STAU2: variants seen among roughly 807,000 people sequenced by gnomAD.
STAU2 encodes double-stranded RNA-binding protein Staufen homolog 2.
A neutral mutation model predicts 65.9 loss-of-function variants in STAU2; 20 were observed. The ratio of observed to expected loss-of-function variants is 0.30; its 90% CI spans 0.21 to 0.44. STAU2 has a LOEUF of 0.44. Ranked by LOEUF, STAU2 falls within the 20% of genes least tolerant of loss-of-function variation. The pLI, the probability that STAU2 is intolerant of heterozygous loss-of-function variation, is 1.00. For missense variants in STAU2, 558 were observed against 683.9 expected (o/e 0.82, Z 2.05); for synonymous variants, 232 against 233.9 (o/e 0.99, Z 0.07).
At chr8:73,443,815 T>C (rs1818325234) in intron 13 of STAU2, among the ~76,000 whole-genome samples, 1 of 151,362 alleles carries the variant, frequency 6.6e-6, no homozygotes, top group African/African-American at 2.4e-5. Flanking sequence ...TCCACTGTAC[T>C]CCAGCCTAGG....
intron 3 of STAU2, among the ~76,000 whole-genome samples, chr8:73,720,676 C>A (rs1351093313): frequency 8.7e-6 from 1 of 115,172 alleles, no homozygotes; most frequent in Admixed American, 8.5e-5. Context: ...CCGCGCCCGG[C>A]TAATTTTTTG....
intron 13 of STAU2, among the ~76,000 whole-genome samples, chr8:73,502,971 G>A (rs1026117805): frequency 2.0e-5 from 3 of 152,034 alleles, no homozygotes; most frequent in African/African-American, 7.2e-5. Flanking sequence ...AATCATTGTA[G>A]AAACCAGTGG....
At chr8:73,730,450 G>A (rs1184583489) in intron 3 of STAU2, among the ~76,000 whole-genome samples, 1 of 152,114 alleles carries the variant, frequency 6.6e-6, no homozygotes, top group Non-Finnish European at 1.5e-5. Flanking sequence ...ATTTTGGCAG[G>A]GTGCAGTGGC....
chr8:73,719,681 ATAT>A (rs1227139438), intron 3 of STAU2, among the ~76,000 whole-genome samples: 14 of 152,348 alleles, frequency 9.2e-5, no homozygotes, highest in Non-Finnish European at 1.6e-4. Flanking sequence ...TGGTTATGAC[ATAT>A]TATCCTTTTA....
At chr8:73,649,065 C>A (rs1287253814) in intron 6 of STAU2, among the ~76,000 whole-genome samples, 1 of 152,198 alleles carries the variant, frequency 6.6e-6, no homozygotes, top group Admixed American at 6.5e-5. Context: ...CTTGCCCTCC[C>A]AAAGTGCTGG....
At chr8:73,539,036 T>C (rs1806356226) in intron 13 of STAU2, among the ~76,000 whole-genome samples, 3 of 152,134 alleles carry the variant, frequency 2.0e-5, no homozygotes, top group South Asian at 2.1e-4. Context: ...CAGAATTTGA[T>C]GGAGAGTCAG....
chr8:73,739,715 T>C, intron 2 of STAU2, 41 bp downstream of exon 2: 23 of 1,461,658 alleles, frequency 1.6e-5, no homozygotes, highest in Non-Finnish European at 2.0e-5. Context: ...ACGGCCTGGA[T>C]ATTGGTGAAT....
chr8:73,507,205 T>C (rs1379165681), intron 13 of STAU2, among the ~76,000 whole-genome samples: 1 of 150,698 alleles, frequency 6.6e-6, no homozygotes, highest in Admixed American at 6.6e-5. Flanking sequence ...CAATTTACTT[T>C]GTGTAGATCC....
intron 13 of STAU2, among the ~76,000 whole-genome samples, chr8:73,542,494 T>C (rs182763071): frequency 3.7e-4 from 57 of 152,202 alleles, no homozygotes; most frequent in Admixed American, 3.5e-3. Context: ...TTTTACTTCA[T>C]TGAAATGGAA....
At chr8:73,542,654 T>G (rs1806618047) in intron 13 of STAU2, among the ~76,000 whole-genome samples, 1 of 152,104 alleles carries the variant, frequency 6.6e-6, no homozygotes, top group Admixed American at 6.5e-5. Context: ...AATTAGAAAC[T>G]GAGTAAAAGA....
At chr8:73,731,460 A>C (rs766386111) in intron 3 of STAU2, among the ~76,000 whole-genome samples, 13 of 152,202 alleles carry the variant, frequency 8.5e-5, no homozygotes, top group Non-Finnish European at 1.3e-4. Context: ...CTCTGCAGTA[A>C]GCTGTTACAA....
intron 9 of STAU2, among the ~76,000 whole-genome samples, chr8:73,607,911 T>C (rs962318912): frequency 9.2e-5 from 14 of 152,140 alleles, no homozygotes; most frequent in African/African-American, 3.4e-4. Context: ...CATGGAGACA[T>C]GGATAATCAC....
intron 13 of STAU2, among the ~76,000 whole-genome samples, chr8:73,485,614 G>T (rs1233800301): frequency 1.3e-5 from 2 of 152,012 alleles, no homozygotes; most frequent in Non-Finnish European, 2.9e-5. Context: ...ACTTTGGGAG[G>T]TCCAGGCATG....
chr8:73,624,201 G>A (rs1322204432), intron 6 of STAU2, among the ~76,000 whole-genome samples: 2 of 152,124 alleles, frequency 1.3e-5, no homozygotes, highest in African/African-American at 4.8e-5. Context: ...AGGTAAATCT[G>A]TGTTTGAAAT....
chr8:73,735,163 T>G, intron 3 of STAU2, among the ~76,000 whole-genome samples: 1 of 152,164 alleles, frequency 6.6e-6, no homozygotes. Context: ...AATCCTGGGC[T>G]CAAGCAATCC....
At chr8:73,659,336 G>T (rs769338213) in intron 6 of STAU2, among the ~76,000 whole-genome samples, 2 of 152,030 alleles carry the variant, frequency 1.3e-5, no homozygotes, top group African/African-American at 4.8e-5. Flanking sequence ...TCGGGAGTTC[G>T]AGACCAGCCT....
chr8:73,482,343 TA>T (rs143815804), intron 13 of STAU2, among the ~76,000 whole-genome samples: 39 of 151,370 alleles, frequency 2.6e-4, no homozygotes, highest in South Asian at 2.1e-3. Flanking sequence ...TTTATGATCT[TA>T]AAAAAAAACT....
At chr8:73,628,153 G>C (rs576294681) in intron 6 of STAU2, among the ~76,000 whole-genome samples, 1 of 151,270 alleles carries the variant, frequency 6.6e-6, no homozygotes, top group Admixed American at 6.6e-5. Flanking sequence ...GGTTAACTGC[G>C]GCCTCAACCT....
intron 4 of STAU2, among the ~76,000 whole-genome samples, chr8:73,696,013 C>A (rs1049638741): frequency 5.9e-5 from 9 of 152,220 alleles, no homozygotes; most frequent in Admixed American, 5.2e-4. Context: ...TGACCCAGAG[C>A]AATCCCAGGG....
Sources: gnomAD v4.1 joint callset for allele counts (sites outside exome capture counted in the v4.1 genomes callset) on GRCh38, gnomAD v4.1.1 for gene constraint, MANE v1.5 for transcripts, NCBI Gene and HGNC (gene_info 2026-07-23, HGNC 2026-07-21) for gene names.